AP2A2: variants seen among roughly 807,000 people sequenced by gnomAD.
The protein encoded by AP2A2 is AP-2 complex subunit alpha-2.
AP2A2 carries 32 observed loss-of-function variants against 104.2 expected under a neutral mutation model. The observed-to-expected ratio is 0.31, with a 90% confidence interval of 0.23 to 0.41. The LOEUF (loss-of-function observed/expected upper bound fraction) is 0.41. Among genes scored for constraint, AP2A2 ranks in the 10% least tolerant of loss-of-function variants. The pLI, the probability that AP2A2 is intolerant of heterozygous loss-of-function variation, is 1.00. For missense variants in AP2A2, 912 were observed against 1,261.0 expected (o/e 0.72, Z 4.19); for synonymous variants, 539 against 533.3 (o/e 1.01, Z -0.15).
chr11:955,267 T>C (rs1854198048), intron 1 of AP2A2, among the ~76,000 whole-genome samples: 1 of 152,212 alleles, frequency 6.6e-6, no homozygotes, highest in South Asian at 2.1e-4. Context: ...CCATGCGCAG[T>C]CCCAGCTGTG....
At chr11:995,089 C>T (rs755372882) in intron 14 of AP2A2, among the ~76,000 whole-genome samples, 3 of 152,200 alleles carry the variant, frequency 2.0e-5, no homozygotes, top group South Asian at 2.1e-4. Context: ...TCCTTCAGAC[C>T]GTCGTCTTGT....
At chr11:994,749 C>T (rs1211470212) in intron 14 of AP2A2, among the ~76,000 whole-genome samples, 25 of 142,030 alleles carry the variant, frequency 1.8e-4, no homozygotes, top group Admixed American at 6.9e-5. Flanking sequence ...GGACGCCCCC[C>T]TGGCCTGTCC....
chr11:947,948 A>G (rs1022456101), intron 1 of AP2A2, among the ~76,000 whole-genome samples: 3 of 152,128 alleles, frequency 2.0e-5, no homozygotes, highest in Non-Finnish European at 2.9e-5. Context: ...AAAGCAAGAC[A>G]TTGTCTCTTA....
chr11:972,147 G>A lies in AP2A2; in HGVS notation c.365G>A (p.Ser122Asn). ...AACGCCATCAAGAATGACCTGGCCAGCCGCAACCCCACCTTCATGGGCCTG... is the reference window on the plus strand; with the variant it reads ...AACGCCATCAAGAATGACCTGGCCAACCGCAACCCCACCTTCATGGGCCTG... ...INNAIKNDLA[S>N]RNPTFMGLAL... The change falls in exon 4 of 22, where the codon AGC becomes AAC. Residue 122 changes from serine to asparagine, a missense_variant. Physicochemically the swap from Ser to Asn is conservative, Grantham distance 46 (BLOSUM62 1). Transcript: ENST00000448903. 6.2e-7 allele frequency: 1 copy of A among 1,613,594 alleles called. No individual in the cohort carries two copies. Among genetic ancestry groups the A allele is most frequent in the Non-Finnish European group, 8.5e-7 (1 of 1,179,782 alleles).
intron 1 of AP2A2, among the ~76,000 whole-genome samples, chr11:936,630 C>T (rs896861174): frequency 3.3e-5 from 5 of 151,610 alleles, no homozygotes; most frequent in Non-Finnish European, 7.4e-5. Flanking sequence ...TTGAGTGATC[C>T]ACCTGCTTCA....
At chr11:926,138 C>T in intron 1 of AP2A2, 50 bp downstream of exon 1, 1 of 1,162,792 alleles carries the variant, frequency 8.6e-7, no homozygotes, top group South Asian at 3.4e-5. Flanking sequence ...CCGGCGGAGA[C>T]GGGGTCTGGG....
chr11:986,609 T>C (rs1855465494), intron 8 of AP2A2, among the ~76,000 whole-genome samples, 176 bp from the exon 9 acceptor site: 1 of 151,858 alleles, frequency 6.6e-6, no homozygotes, highest in South Asian at 2.1e-4. Flanking sequence ...GGGGTGGGGG[T>C]CGGGCGTCAT....
intron 2 of AP2A2, among the ~76,000 whole-genome samples, chr11:967,932 T>G (rs930936604): frequency 8.5e-5 from 13 of 152,170 alleles, no homozygotes; most frequent in African/African-American, 3.1e-4. Context: ...AATAAAAAAG[T>G]AATTCTAGCC....
chr11:957,507 A>C (rs1259599776), intron 1 of AP2A2, among the ~76,000 whole-genome samples: 6 of 152,242 alleles, frequency 3.9e-5, no homozygotes, highest in Admixed American at 3.9e-4. Flanking sequence ...AAGGTAGGTC[A>C]GAGAATTTAT....
At chr11:947,258 G>T (rs957891761) in intron 1 of AP2A2, among the ~76,000 whole-genome samples, 8 of 152,182 alleles carry the variant, frequency 5.3e-5, no homozygotes, top group African/African-American at 1.4e-4. Flanking sequence ...TAATCCACCT[G>T]CCTTGGCTTC....
chr11:995,796 G>A (rs1299980733), intron 14 of AP2A2, among the ~76,000 whole-genome samples: 3 of 3,470 alleles, frequency 8.6e-4, no homozygotes, highest in Non-Finnish European at 1.5e-3. Flanking sequence ...CTGTCCCCCC[G>A]TGCCCTCTCT....
At chr11:949,284 A>G (rs1163488304) in intron 1 of AP2A2, among the ~76,000 whole-genome samples, 1 of 151,888 alleles carries the variant, frequency 6.6e-6, no homozygotes, top group Non-Finnish European at 1.5e-5. Context: ...TCAAGAAAAG[A>G]ATTAATACCA....
intron 2 of AP2A2, among the ~76,000 whole-genome samples, chr11:964,729 GA>G (rs1345095877): frequency 6.6e-6 from 1 of 151,908 alleles, no homozygotes; most frequent in Admixed American, 6.6e-5. Context: ...GCCGAAGACA[GA>G]AATGGAAAGA....
At chr11:1,000,806 C>T (rs1017124128) in intron 15 of AP2A2, among the ~76,000 whole-genome samples, 1 of 152,084 alleles carries the variant, frequency 6.6e-6, no homozygotes, top group East Asian at 1.9e-4. Context: ...CTGCAGTGTT[C>T]ATTACTCTCA....
intron 9 of AP2A2, among the ~76,000 whole-genome samples, chr11:987,504 T>C (rs986477183): frequency 6.6e-6 from 1 of 151,638 alleles, no homozygotes; most frequent in Non-Finnish European, 1.5e-5. Context: ...AAAAAAAAAT[T>C]AGCCGGGCGT....
At chr11:991,139 G>A (rs1338932558) in intron 10 of AP2A2, among the ~76,000 whole-genome samples, 1 of 151,446 alleles carries the variant, frequency 6.6e-6, no homozygotes, top group Non-Finnish European at 1.5e-5. Flanking sequence ...CGGGTATGGT[G>A]CTCCCCTCCA....
In AP2A2 at chr11:1,011,194, C is replaced by A. The variant is rs527653841; in HGVS notation, c.*569C>A. 1 of 522,512 alleles carries A rather than the reference C, an allele frequency of 1.9e-6. No homozygotes were observed. The highest frequency in any genetic ancestry group is 1.9e-5 in the African/African-American group (1 of 52,276). 32.4% of individuals were successfully genotyped at this position (522,512 alleles called of 1,614,324 possible). On this transcript the variant is annotated 3_prime_UTR_variant, in exon 22 of 22. Transcript: ENST00000448903. The stretch of plus-strand genomic sequence containing the variant: ...GAAACATTTGTATTTGTAATGACTT[C>A]TGGCAAAAGCACGTGTCCTGGCCGG...
chr11:941,330 T>C (rs1853636527), intron 1 of AP2A2, among the ~76,000 whole-genome samples: 1 of 152,216 alleles, frequency 6.6e-6, no homozygotes, highest in Admixed American at 6.5e-5. Flanking sequence ...AACTCTATTG[T>C]CCTTGATGAC....
intron 4 of AP2A2, among the ~76,000 whole-genome samples, chr11:973,091 C>A (rs906518808): frequency 1.3e-5 from 2 of 152,246 alleles, no homozygotes; most frequent in Admixed American, 1.3e-4. Flanking sequence ...GACCCCTCGC[C>A]CACACGGTGC....
Sources: allele counts gnomAD v4.1 joint callset (sites outside exome capture counted in the v4.1 genomes callset), GRCh38; gene constraint gnomAD v4.1.1; transcripts MANE v1.5; gene names NCBI Gene and HGNC (gene_info 2026-07-23, HGNC 2026-07-21).